CPEB1: variants seen among roughly 807,000 people sequenced by gnomAD.
CPEB1 encodes cytoplasmic polyadenylation element-binding protein 1.
A neutral mutation model predicts 65.8 loss-of-function variants in CPEB1; 7 were observed. That is an observed-to-expected ratio of 0.11 (90% CI 0.06 to 0.20). The LOEUF (loss-of-function observed/expected upper bound fraction) is 0.20, where lower values mean the gene tolerates loss of function less well. CPEB1 is among the 10% of genes least tolerant of loss of function. CPEB1 has a pLI of 1.00. For missense variants in CPEB1, 551 were observed against 712.2 expected (o/e 0.77, Z 2.58); for synonymous variants, 262 against 260.0 (o/e 1.01, Z -0.08).
chr15:82,612,510 A>C (rs12903270), intron 3 of CPEB1, among the ~76,000 whole-genome samples: 394 of 50,122 alleles, frequency 7.9e-3, no homozygotes, highest in African/African-American at 0.019. Context: ...AAAAAAAAAC[A>C]AAAAAAAAAA....
intron 12 of CPEB1, among the ~76,000 whole-genome samples, 175 bp downstream of exon 12, chr15:82,546,266 C>T (rs968186133): frequency 1.3e-5 from 2 of 152,184 alleles, no homozygotes; most frequent in African/African-American, 2.4e-5. Flanking sequence ...CCTGCCACCA[C>T]GCCAGGCTAA....
chr15:82,591,576 C>T (rs570536789), intron 3 of CPEB1, among the ~76,000 whole-genome samples: 197 of 152,100 alleles, frequency 1.3e-3, no homozygotes, highest in Non-Finnish European at 2.1e-3. Flanking sequence ...TTGATTTTCT[C>T]TCTCCAATGA....
At chr15:82,574,939 G>C (rs1029577824) in intron 3 of CPEB1, among the ~76,000 whole-genome samples, 7 of 152,066 alleles carry the variant, frequency 4.6e-5, no homozygotes, top group Non-Finnish European at 2.9e-5. Context: ...GCTTAGCCTA[G>C]CATACCTTAA....
At position 82,628,401 on chromosome 15, in the gene CPEB1, T is replaced by C. The variant is rs1326501289; in HGVS notation, c.59A>G (p.His20Arg). The C allele has an allele frequency of 1.4e-6, 1 of 702,666 alleles. No individual in the cohort carries two copies. Among genetic ancestry groups the C allele is most frequent in the African/African-American group, 1.7e-5 (1 of 57,212 alleles). 43.5% of individuals were successfully genotyped at this position (702,666 alleles called of 1,614,324 possible). A position where few individuals can be genotyped will look rare whatever the true frequency, so the allele number is the denominator to read the frequency against. The change falls in exon 2 of 13, where the codon CAC becomes CGC. Residue 20 changes from histidine to arginine, a missense_variant. His to Arg is a conservative substitution (Grantham distance 29). Transcript: ENST00000684509. Reference protein sequence around the residue: ...SSSMSGTGLEHSSLSDCLLLI... With the variant: ...SSSMSGTGLERSSLSDCLLLI... ...CAGAAGACAATCTGATAGAGATGAG[T>C]GCTCCAAACCAGTGCCAGACATGGA...
chr15:82,557,086 C>T (rs2037335175), intron 5 of CPEB1, among the ~76,000 whole-genome samples: 1 of 152,214 alleles, frequency 6.6e-6, no homozygotes, highest in Admixed American at 6.5e-5. Context: ...CTTCTACTAT[C>T]CCCTATCTAT....
At chr15:82,567,379 C>G (rs1359266538) in intron 4 of CPEB1, among the ~76,000 whole-genome samples, 2 of 151,930 alleles carry the variant, frequency 1.3e-5, no homozygotes, top group South Asian at 2.1e-4. Context: ...TGGCTCACAT[C>G]TGTAATCCCA....
intron 3 of CPEB1, among the ~76,000 whole-genome samples, chr15:82,607,492 A>T (rs2043729887): frequency 6.6e-6 from 1 of 152,046 alleles, no homozygotes; most frequent in South Asian, 2.1e-4. Context: ...GGAGGCTGAG[A>T]CAGGAGAATT....
chr15:82,587,844 C>T (rs977512293), intron 3 of CPEB1, among the ~76,000 whole-genome samples: 9 of 152,092 alleles, frequency 5.9e-5, no homozygotes, highest in Non-Finnish European at 1.2e-4. Context: ...ATGTTTATAC[C>T]TAAGTACAAA....
intron 3 of CPEB1, chr15:82,573,216 A>G: frequency 4.1e-6 from 6 of 1,449,764 alleles, no homozygotes; most frequent in Non-Finnish European, 3.6e-6. Context: ...GAAAATTATC[A>G]GTCTCCTTCC....
chr15:82,641,318 C>T (rs527491479), intron 1 of CPEB1, among the ~76,000 whole-genome samples: 1 of 152,156 alleles, frequency 6.6e-6, no homozygotes, highest in East Asian at 1.9e-4. Context: ...GGGCCAGAAC[C>T]CAGGAGCACA....
At chr15:82,575,683 A>G (rs1361334516) in intron 3 of CPEB1, among the ~76,000 whole-genome samples, 1 of 152,244 alleles carries the variant, frequency 6.6e-6, no homozygotes, top group South Asian at 2.1e-4. Flanking sequence ...AGAACTTCAA[A>G]AAGTGCTCAA....
intron 3 of CPEB1, among the ~76,000 whole-genome samples, chr15:82,618,383 C>T (rs1193416324): frequency 1.3e-5 from 2 of 152,102 alleles, no homozygotes; most frequent in Admixed American, 6.6e-5. Context: ...TTGACAAATG[C>T]ACAATACGTA....
At chr15:82,547,314 T>TTTTTTA (rs2035415847) in intron 10 of CPEB1, 77 bp from the exon 11 acceptor site, 1 of 702,096 alleles carries the variant, frequency 1.4e-6, no homozygotes, top group Admixed American at 2.8e-5. Flanking sequence ...TTTTTTTTTT[T>TTTTTTA]GAGATGGAGT....
intron 3 of CPEB1, among the ~76,000 whole-genome samples, chr15:82,610,210 T>G (rs1347021662): frequency 2.0e-5 from 3 of 152,162 alleles, no homozygotes; most frequent in Non-Finnish European, 4.4e-5. Flanking sequence ...AAGCCTGTAT[T>G]AGTCATCAAC....
intron 1 of CPEB1, among the ~76,000 whole-genome samples, chr15:82,634,197 T>C (rs1255602372): frequency 6.6e-6 from 1 of 151,674 alleles, no homozygotes; most frequent in Non-Finnish European, 1.5e-5. Flanking sequence ...TTTTTTTTTT[T>C]CCATCTATGG....
At chr15:82,575,849 T>G (rs111412420) in intron 3 of CPEB1, among the ~76,000 whole-genome samples, 121 of 152,316 alleles carry the variant, frequency 7.9e-4, no homozygotes, top group African/African-American at 2.9e-3. Flanking sequence ...CACCTTGTAC[T>G]TATGAAAACG....
At chr15:82,566,020 A>G (rs189687446) in intron 4 of CPEB1, among the ~76,000 whole-genome samples, 1 of 152,300 alleles carries the variant, frequency 6.6e-6, no homozygotes, top group East Asian at 1.9e-4. Context: ...ATCAGCAGTG[A>G]TATTTTTAGA....
intron 3 of CPEB1, among the ~76,000 whole-genome samples, chr15:82,592,919 C>G (rs2042374779): frequency 6.6e-6 from 1 of 152,136 alleles, no homozygotes; most frequent in East Asian, 1.9e-4. Flanking sequence ...ATCACCTGAA[C>G]CTGGGAGGCG....
At chr15:82,569,582 A>G (rs1204712680) in intron 4 of CPEB1, among the ~76,000 whole-genome samples, 2 of 152,336 alleles carry the variant, frequency 1.3e-5, no homozygotes, top group South Asian at 2.1e-4. Context: ...GGTGGTGGAG[A>G]AGCTGTGGAT....
Sources: allele counts gnomAD v4.1 joint callset (sites outside exome capture counted in the v4.1 genomes callset), GRCh38; gene constraint gnomAD v4.1.1; transcripts MANE v1.5; gene names NCBI Gene and HGNC (gene_info 2026-07-23, HGNC 2026-07-21).